Variants in LARP1 observed in about 807,000 individuals in gnomAD.
The protein encoded by LARP1 is la-related protein 1.
In LARP1, 36 loss-of-function variants were observed where a neutral mutation model predicts 122.7. That is an observed-to-expected ratio of 0.29 (90% CI 0.22 to 0.39). LARP1 has a LOEUF of 0.39. LARP1 is among the 10% of genes least tolerant of loss of function. The probability of loss-of-function intolerance (pLI) is 1.00; values close to 1 mark genes in which losing one functional copy is unlikely to be tolerated. For missense variants in LARP1, 1,040 were observed against 1,403.6 expected, an observed-to-expected ratio of 0.74 and a Z score of 4.14; for synonymous variants, 539 against 528.7, an observed-to-expected ratio of 1.02 and a Z score of -0.27.
intron 1 of LARP1, among the ~76,000 whole-genome samples, chr5:154,735,819 C>G (rs1756864614): frequency 6.6e-6 from 1 of 151,900 alleles, no homozygotes; most frequent in African/African-American, 2.4e-5. Flanking sequence ...GATCTGCCCG[C>G]CTTGGCCTCC....
At chr5:154,724,768 G>C (rs1253265659) in intron 1 of LARP1, among the ~76,000 whole-genome samples, 1 of 151,972 alleles carries the variant, frequency 6.6e-6, no homozygotes, top group Non-Finnish European at 1.5e-5. Context: ...CCAGGCTCAG[G>C]TGATGCTCCC....
At chr5:154,796,073 GTA>G (rs1244616274) in intron 8 of LARP1, among the ~76,000 whole-genome samples, 22 of 78,864 alleles carry the variant, frequency 2.8e-4, no homozygotes, top group African/African-American at 7.6e-4. Context: ...TTTATATATA[GTA>G]TATATATTAT....
intron 1 of LARP1, among the ~76,000 whole-genome samples, chr5:154,706,063 A>C (rs890477239): frequency 6.6e-6 from 1 of 152,044 alleles, no homozygotes; most frequent in African/African-American, 2.4e-5. Context: ...TGGGAGGCTG[A>C]GGTGAGCAGA....
At chr5:154,756,631 T>G (rs1425470202) in intron 1 of LARP1, 1 of 428,968 alleles carries the variant, frequency 2.3e-6, no homozygotes, top group Non-Finnish European at 3.1e-6. Flanking sequence ...TGTAAATGTT[T>G]AATGAGCATA....
chr5:154,692,266 A>G (rs1433933125), intron 1 of LARP1, among the ~76,000 whole-genome samples: 2 of 152,244 alleles, frequency 1.3e-5, no homozygotes, highest in African/African-American at 2.4e-5. Flanking sequence ...GCAGAGGTTC[A>G]GGAGTCTACC....
Position 154,811,505 on chromosome 5 carries a change from C to G in LARP1, c.2954-8C>G. The G allele has an allele frequency of 1.2e-6, 2 of 1,614,218 alleles. No homozygotes were observed. The highest frequency in any genetic ancestry group is 1.7e-6 in the Non-Finnish European group (2 of 1,180,034). ...ACCAGCTCAGCTTTTCTGTACCTCT[C>G]CCTACAGGCCAACTGTATGGGCTGG... On this transcript the variant is annotated splice_region_variant and splice_polypyrimidine_tract_variant and intron_variant, in intron 17 of 18. Coordinates refer to ENST00000518297, the MANE Select transcript of LARP1 (RefSeq NM_033551.3).
At chr5:154,708,754 G>C (rs936427000), upstream of LARP1, among the ~76,000 whole-genome samples, 2 of 152,046 alleles carry the variant, frequency 1.3e-5, no homozygotes, top group Non-Finnish European at 2.9e-5. Context: ...TGGGATTATA[G>C]GCATGCACCA....
In LARP1 at chr5:154,755,790, G is replaced by A; in HGVS notation, c.33G>A (p.Gly11=). MATQVEPLLP[G]GATLLQAEEH... ...CTCAGGTGGAGCCGCTGCTGCCTGG[G>A]GGCGCCACGCTCTTGCAGGCCGAAG... Residue 11 remains glycine, a synonymous_variant, in exon 1 of 19, where the codon GGG becomes GGA. Coordinates refer to ENST00000518297, the MANE Select transcript of LARP1 (RefSeq NM_033551.3). The A allele has an allele frequency of 1.0e-6, 1 of 989,558 alleles. No homozygotes were observed. The highest frequency in any genetic ancestry group is 1.2e-6 in the Non-Finnish European group (1 of 832,260). 61.3% of individuals were successfully genotyped at this position (989,558 alleles called of 1,614,324 possible).
intron 1 of LARP1, among the ~76,000 whole-genome samples, chr5:154,691,943 C>A (rs1754238877): frequency 6.6e-6 from 1 of 150,698 alleles, no homozygotes; most frequent in Non-Finnish European, 1.5e-5. Flanking sequence ...GCCTGCGCCA[C>A]CACGCCCGGC....
chr5:154,736,911 G>A (rs1302213437), intron 1 of LARP1, among the ~76,000 whole-genome samples: 1 of 151,866 alleles, frequency 6.6e-6, no homozygotes, highest in East Asian at 1.9e-4. Flanking sequence ...TTCCATGGTG[G>A]CTGCACCATT....
At chr5:154,703,925 T>A (rs1019474613) in intron 1 of LARP1, among the ~76,000 whole-genome samples, 4 of 151,992 alleles carry the variant, frequency 2.6e-5, no homozygotes, top group African/African-American at 4.8e-5. Flanking sequence ...CCAGCCAAAA[T>A]TTTTTTAAAT....
chr5:154,807,052 G>T (rs1758848956), intron 15 of LARP1, among the ~76,000 whole-genome samples: 2 of 151,972 alleles, frequency 1.3e-5, no homozygotes, highest in African/African-American at 4.8e-5. Flanking sequence ...TGCCTATTCT[G>T]GACATTTCAC....
At chr5:154,777,812 C>A (rs952065869) in intron 1 of LARP1, among the ~76,000 whole-genome samples, 7 of 152,096 alleles carry the variant, frequency 4.6e-5, no homozygotes, top group Admixed American at 3.3e-4. Flanking sequence ...AATATGTAAA[C>A]CTACTATGTA....
chr5:154,796,570 TC>T (rs1757870473), intron 8 of LARP1, among the ~76,000 whole-genome samples: 2 of 152,142 alleles, frequency 1.3e-5, no homozygotes, highest in Admixed American at 1.3e-4. Context: ...TGAAGTTTTT[TC>T]CCCTCCTTGT....
At chr5:154,758,372 A>G (rs1754174996) in intron 1 of LARP1, among the ~76,000 whole-genome samples, 1 of 152,192 alleles carries the variant, frequency 6.6e-6, no homozygotes. Flanking sequence ...TGGAATCTTA[A>G]GGCAAGAGAG....
intron 1 of LARP1, among the ~76,000 whole-genome samples, chr5:154,715,921 A>G (rs1200333890): frequency 6.6e-6 from 1 of 152,160 alleles, no homozygotes; most frequent in Non-Finnish European, 1.5e-5. Flanking sequence ...CCCATTTTAC[A>G]GGAGAGAGTA....
At chr5:154,805,743 G>C in intron 14 of LARP1, 138 bp from the exon 15 acceptor site, 1 of 833,648 alleles carries the variant, frequency 1.2e-6, no homozygotes, top group Non-Finnish European at 1.9e-6. Flanking sequence ...TAAGTTAAAG[G>C]TCCGTAACTG....
chr5:154,812,178 A>G (rs1759326678), intron 18 of LARP1, among the ~76,000 whole-genome samples: 1 of 152,172 alleles, frequency 6.6e-6, no homozygotes, highest in Non-Finnish European at 1.5e-5. Flanking sequence ...GATAAGGGAA[A>G]GAGGCTCAGT....
chr5:154,746,444 A>G (rs1753203740), intron 1 of LARP1, among the ~76,000 whole-genome samples: 2 of 152,240 alleles, frequency 1.3e-5, no homozygotes, highest in Admixed American at 1.3e-4. Flanking sequence ...TGGAATGCTT[A>G]AACATGGTTA....
Sources: gnomAD v4.1 joint callset for allele counts (sites outside exome capture counted in the v4.1 genomes callset) on GRCh38, gnomAD v4.1.1 for gene constraint, MANE v1.5 for transcripts, NCBI Gene and HGNC (gene_info 2026-07-23, HGNC 2026-07-21) for gene names.